NCAM2: variants seen among roughly 807,000 people sequenced by gnomAD.
NCAM2 encodes the protein N-CAM-2.
A neutral mutation model predicts 98.1 loss-of-function variants in NCAM2; 30 were observed. That is an observed-to-expected ratio of 0.31 (90% CI 0.23 to 0.41). The LOEUF is 0.41. Ranked by LOEUF, NCAM2 falls within the 10% of genes least tolerant of loss-of-function variation. NCAM2 has a pLI of 1.00. For missense variants in NCAM2, 867 were observed against 1,005.8 expected, an observed-to-expected ratio of 0.86 and a Z score of 1.87; for synonymous variants, 368 against 342.4, an observed-to-expected ratio of 1.07 and a Z score of -0.83.
chr21:21,112,054 A>T (rs1040910240), intron 1 of NCAM2, among the ~76,000 whole-genome samples: 1 of 152,210 alleles, frequency 6.6e-6, no homozygotes, highest in Non-Finnish European at 1.5e-5. Flanking sequence ...AAATGACTGT[A>T]GACATTCTCT....
intron 1 of NCAM2, among the ~76,000 whole-genome samples, chr21:21,220,330 T>C (rs1374364198): frequency 6.6e-6 from 1 of 152,192 alleles, no homozygotes; most frequent in Admixed American, 6.5e-5. Context: ...TACTGTGTTT[T>C]ACTGTATCTG....
chr21:21,287,418 A>C (rs994475861), intron 4 of NCAM2, among the ~76,000 whole-genome samples: 1 of 152,006 alleles, frequency 6.6e-6, no homozygotes, highest in Non-Finnish European at 1.5e-5. Context: ...ATTATAATAC[A>C]TTAATGAGAA....
intron 8 of NCAM2, among the ~76,000 whole-genome samples, chr21:21,348,400 A>C (rs563974049): frequency 4.7e-4 from 72 of 152,198 alleles, no homozygotes; most frequent in Non-Finnish European, 6.5e-4. Context: ...AAGAAGTGAA[A>C]TGTATCTATA....
At chr21:21,462,330 A>G (rs554773124) in intron 12 of NCAM2, among the ~76,000 whole-genome samples, 64 of 152,188 alleles carry the variant, frequency 4.2e-4, no homozygotes, top group African/African-American at 1.4e-3. Flanking sequence ...TTGAGAAAGG[A>G]AAGAGAACAT....
intron 1 of NCAM2, among the ~76,000 whole-genome samples, chr21:21,144,151 C>G (rs1000018061): frequency 3.9e-5 from 6 of 151,906 alleles, no homozygotes; most frequent in Admixed American, 1.3e-4. Flanking sequence ...AAATTGAGAC[C>G]ATCCTGGCTA....
intron 1 of NCAM2, among the ~76,000 whole-genome samples, chr21:21,217,082 A>C (rs568968303): frequency 4.3e-4 from 66 of 152,184 alleles, no homozygotes; most frequent in Non-Finnish European, 8.4e-4. Context: ...AGCACAGGAT[A>C]AATGCTGAGG....
At chr21:21,086,315 A>G (rs1235136671) in intron 1 of NCAM2, among the ~76,000 whole-genome samples, 1 of 152,236 alleles carries the variant, frequency 6.6e-6, no homozygotes, top group Non-Finnish European at 1.5e-5. Context: ...GAAAAACCAA[A>G]GAAGGACAAT....
chr21:21,213,316 A>C (rs942676902), intron 1 of NCAM2, among the ~76,000 whole-genome samples: 5 of 152,204 alleles, frequency 3.3e-5, no homozygotes, highest in Non-Finnish European at 7.3e-5. Flanking sequence ...GCAACTATTG[A>C]CTAAAGGTTA....
chr21:21,301,539 C>T (rs2073714333), intron 5 of NCAM2, among the ~76,000 whole-genome samples: 1 of 100,610 alleles, frequency 9.9e-6, no homozygotes, highest in South Asian at 4.8e-4. Context: ...TCCCCCCTCC[C>T]CCCACCCCAC....
chr21:21,469,146 T>C (rs1984100005), intron 14 of NCAM2, among the ~76,000 whole-genome samples: 1 of 152,018 alleles, frequency 6.6e-6, no homozygotes, highest in Non-Finnish European at 1.5e-5. Context: ...GGTAATATTA[T>C]TAGAAAAATC....
chr21:21,411,222 A>G (rs1269044373), intron 10 of NCAM2, among the ~76,000 whole-genome samples: 3 of 140,356 alleles, frequency 2.1e-5, no homozygotes, highest in Non-Finnish European at 4.6e-5. Flanking sequence ...ATTTTTCCAT[A>G]TATATATATA....
intron 15 of NCAM2, among the ~76,000 whole-genome samples, chr21:21,504,599 A>G (rs774930806): frequency 1.1e-4 from 17 of 151,836 alleles, no homozygotes; most frequent in Non-Finnish European, 2.2e-4. Flanking sequence ...TTTTTATGCC[A>G]GAGTAAATTG....
At chr21:21,261,638 A>G (rs867056958) in intron 1 of NCAM2, among the ~76,000 whole-genome samples, 3 of 152,290 alleles carry the variant, frequency 2.0e-5, no homozygotes, top group Middle Eastern at 3.4e-3. Context: ...AAGTTAAGAA[A>G]ATAATCAAAA....
chr21:21,159,842 G>A (rs1217277856), intron 1 of NCAM2, among the ~76,000 whole-genome samples: 1 of 151,226 alleles, frequency 6.6e-6, no homozygotes, highest in East Asian at 1.9e-4. Context: ...TGATTTTTGT[G>A]GTTTAAACAT....
chr21:21,285,475 C>T (rs2073066890), intron 3 of NCAM2, among the ~76,000 whole-genome samples: 1 of 151,740 alleles, frequency 6.6e-6, no homozygotes, highest in South Asian at 2.1e-4. Context: ...TATGTAACCC[C>T]CTAGAGTATC....
At chr21:21,072,858 A>G (rs1271247183) in intron 1 of NCAM2, among the ~76,000 whole-genome samples, 1 of 152,126 alleles carries the variant, frequency 6.6e-6, no homozygotes, top group Non-Finnish European at 1.5e-5. Context: ...GGCATTTTGA[A>G]GTGTGTAGTT....
chr21:21,394,663 AT>A (rs1327440344), intron 9 of NCAM2, among the ~76,000 whole-genome samples: 1 of 151,158 alleles, frequency 6.6e-6, no homozygotes, highest in African/African-American at 2.4e-5. Flanking sequence ...AATTTTTTGT[AT>A]TTTTAGTAGA....
intron 4 of NCAM2, among the ~76,000 whole-genome samples, chr21:21,289,257 G>A (rs2073207198): frequency 6.6e-6 from 1 of 152,058 alleles, no homozygotes; most frequent in East Asian, 1.9e-4. Flanking sequence ...GATCTATGCT[G>A]TAGTGTACCA....
chr21:21,345,139 C>A (rs1292500136), intron 8 of NCAM2, among the ~76,000 whole-genome samples: 6 of 151,998 alleles, frequency 3.9e-5, no homozygotes, highest in African/African-American at 1.4e-4. Flanking sequence ...ATCTGGAAAG[C>A]CTTCCTAAGT....
Sources: gnomAD v4.1 joint callset for allele counts (sites outside exome capture counted in the v4.1 genomes callset) on GRCh38, gnomAD v4.1.1 for gene constraint, MANE v1.5 for transcripts, NCBI Gene and HGNC (gene_info 2026-07-23, HGNC 2026-07-21) for gene names.